ZCWPW2: variants seen among roughly 807,000 people sequenced by gnomAD.
ZCWPW2 encodes the protein zinc finger CW-type PWWP domain protein 2.
In ZCWPW2, 45 loss-of-function variants were observed where a neutral mutation model predicts 46.6. That is an observed-to-expected ratio of 0.96 (90% confidence interval 0.76 to 1.24). ZCWPW2 has a LOEUF of 1.24. Ranked by LOEUF, ZCWPW2 falls within the 50% of genes most tolerant of loss-of-function variation. The pLI is 0.00. For synonymous variants in ZCWPW2, 152 were observed against 137.1 expected (o/e 1.11, Z -0.76); for missense variants, 429 against 403.9 (o/e 1.06, Z -0.53).
At chr3:28,447,988 GAC>G (rs1575146428) in intron 4 of ZCWPW2, 4 of 505,544 alleles carry the variant, frequency 7.9e-6, no homozygotes, top group Non-Finnish European at 1.5e-5. Flanking sequence ...ATGTTTTCAT[GAC>G]AGGATCAAGT....
At chr3:28,379,960 T>C (rs1705621964) in intron 1 of ZCWPW2, among the ~76,000 whole-genome samples, 1 of 151,984 alleles carries the variant, frequency 6.6e-6, no homozygotes, top group Non-Finnish European at 1.5e-5. Context: ...ATTTTTAATG[T>C]TTAATTTTTT....
At chr3:28,392,141 T>C (rs1695516167) in intron 2 of ZCWPW2, among the ~76,000 whole-genome samples, 1 of 152,004 alleles carries the variant, frequency 6.6e-6, no homozygotes, top group African/African-American at 2.4e-5. Context: ...AGACATTTCA[T>C]GCAAACAGAA....
chr3:28,385,758 T>G (rs1229502352), intron 1 of ZCWPW2, among the ~76,000 whole-genome samples: 1 of 152,218 alleles, frequency 6.6e-6, no homozygotes, highest in Admixed American at 6.5e-5. Flanking sequence ...ATTCTTGGAT[T>G]AATTGATTCT....
At chr3:28,482,747 C>T (rs1431247421) in intron 5 of ZCWPW2, among the ~76,000 whole-genome samples, 1 of 152,172 alleles carries the variant, frequency 6.6e-6, no homozygotes, top group African/African-American at 2.4e-5. Context: ...TTCCTAATGA[C>T]ATATGATGTT....
chr3:28,449,037 A>G (rs1184674488), intron 4 of ZCWPW2, among the ~76,000 whole-genome samples: 1 of 152,042 alleles, frequency 6.6e-6, no homozygotes, highest in Non-Finnish European at 1.5e-5. Context: ...GCCACAGTAA[A>G]CCTATAGACA....
rs2125684503 is a variant in ZCWPW2 at position 28,352,050 on chromosome 3, CT to C, written c.-134+2848del. ...ATTTGGGCATACACAGTTGTCTTCC[CT>C]GTTTTCCCTGTACTTTCTCCTTCCC... On this transcript the variant is annotated intron_variant, in intron 1 of 9. Transcript: ENST00000383768. Among the ~76,000 whole-genome samples, 3 of 151,928 alleles carry C rather than the reference CT, an allele frequency of 2.0e-5. 1 individual carries two copies. In the South Asian group the frequency reaches 6.2e-4, roughly 32 times the overall value.
At chr3:28,443,815 A>G (rs1697868543) in intron 4 of ZCWPW2, among the ~76,000 whole-genome samples, 1 of 152,138 alleles carries the variant, frequency 6.6e-6, no homozygotes, top group South Asian at 2.1e-4. Flanking sequence ...GCCCTCACAA[A>G]TCTGTTTCAC....
At chr3:28,380,108 G>A (rs572349265) in intron 1 of ZCWPW2, among the ~76,000 whole-genome samples, 2 of 151,900 alleles carry the variant, frequency 1.3e-5, no homozygotes, top group South Asian at 2.1e-4. Flanking sequence ...TCAGCCTCCC[G>A]AGTAGCTGGG....
intron 9 of ZCWPW2, among the ~76,000 whole-genome samples, chr3:28,522,599 A>G (rs1428318125): frequency 6.6e-6 from 1 of 152,220 alleles, no homozygotes; most frequent in African/African-American, 2.4e-5. Context: ...TTAATAAAAT[A>G]TACAGAATGT....
intron 5 of ZCWPW2, among the ~76,000 whole-genome samples, chr3:28,491,831 GA>G (rs1433988649): frequency 2.0e-5 from 3 of 152,022 alleles, no homozygotes; most frequent in Non-Finnish European, 4.4e-5. Flanking sequence ...AAGCTCCCCA[GA>G]ACCTAGAAAT....
intron 4 of ZCWPW2, among the ~76,000 whole-genome samples, chr3:28,461,940 T>C (rs1698653353): frequency 6.6e-6 from 1 of 152,208 alleles, no homozygotes; most frequent in Non-Finnish European, 1.5e-5. Flanking sequence ...TAGGACATTC[T>C]TCCCTACAAT....
intron 6 of ZCWPW2, among the ~76,000 whole-genome samples, chr3:28,498,891 T>C (rs1013303166): frequency 5.3e-5 from 8 of 152,056 alleles, no homozygotes; most frequent in Admixed American, 1.3e-4. Context: ...AGTGAGAACA[T>C]GTGGTGTTTG....
chr3:28,447,441 A>C (rs889527686), intron 4 of ZCWPW2, among the ~76,000 whole-genome samples: 1 of 152,098 alleles, frequency 6.6e-6, no homozygotes, highest in African/African-American at 2.4e-5. Flanking sequence ...ATTTGACAAG[A>C]TGCAACAACC....
At chr3:28,443,469 C>A (rs181729550) in intron 4 of ZCWPW2, among the ~76,000 whole-genome samples, 56 of 152,228 alleles carry the variant, frequency 3.7e-4, no homozygotes, top group Admixed American at 9.2e-4. Flanking sequence ...AGTCTTTTGT[C>A]CATTCAACCT....
chr3:28,424,294 G>A (rs575076709), intron 3 of ZCWPW2, among the ~76,000 whole-genome samples: 2 of 150,524 alleles, frequency 1.3e-5, no homozygotes, highest in Admixed American at 6.6e-5. Context: ...ATACCTAGAT[G>A]TATGTTCTTG....
intron 1 of ZCWPW2, among the ~76,000 whole-genome samples, chr3:28,371,861 A>G (rs763648357): frequency 2.0e-5 from 3 of 151,980 alleles, no homozygotes; most frequent in Non-Finnish European, 4.4e-5. Flanking sequence ...GAGCCTGATT[A>G]AAGTTTAGTC....
Position 28,349,080 on chromosome 3 carries a change from G to T in ZCWPW2, c.-257G>T. 1.0e-6 allele frequency: 1 copy of T among 985,734 alleles called. No homozygotes were observed. The highest frequency in any genetic ancestry group is 1.7e-5 in the African/African-American group (1 of 57,368). The allele number at this position is 985,734 out of a possible 1,614,324, so 61.1% of individuals were successfully genotyped here. On this transcript the variant is annotated 5_prime_UTR_variant, in exon 1 of 10. In the 5' UTR this introduces an upstream ATG that the reference lacks. Transcript: ENST00000383768. ...AGCTGGGAGGGCGTTAGCGAAGCCA[G>T]GTTCGGTCGTGGGGGTGGGGAAGTG...
At chr3:28,453,930 C>T (rs1174836550) in intron 4 of ZCWPW2, among the ~76,000 whole-genome samples, 9 of 151,106 alleles carry the variant, frequency 6.0e-5, no homozygotes, top group Admixed American at 6.6e-5. Context: ...CTGCAAGCTC[C>T]GCCTCCCGGG....
intron 8 of ZCWPW2, among the ~76,000 whole-genome samples, chr3:28,517,359 A>G (rs1219677954): frequency 6.6e-6 from 1 of 152,220 alleles, no homozygotes; most frequent in Non-Finnish European, 1.5e-5. Context: ...TCTAGGAAGC[A>G]TGGTGCTTGG....
Sources: gnomAD v4.1 joint callset for allele counts (sites outside exome capture counted in the v4.1 genomes callset) on GRCh38, gnomAD v4.1.1 for gene constraint, MANE v1.5 for transcripts, NCBI Gene and HGNC (gene_info 2026-07-23, HGNC 2026-07-21) for gene names.